Variants in USP32 observed in about 807,000 individuals in gnomAD.
USP32 encodes the protein ubiquitin carboxyl-terminal hydrolase 32.
USP32 carries 59 observed loss-of-function variants against 204.8 expected under a neutral mutation model. That is an observed-to-expected ratio of 0.29 (90% CI 0.23 to 0.36). USP32 has a LOEUF of 0.36. Ranked by LOEUF, USP32 falls within the 10% of genes least tolerant of loss-of-function variation. The pLI is 1.00. For missense variants in USP32, 1,160 were observed against 1,946.4 expected, an observed-to-expected ratio of 0.60 and a Z score of 7.60; for synonymous variants, 517 against 678.4, an observed-to-expected ratio of 0.76 and a Z score of 3.70.
intron 2 of USP32, among the ~76,000 whole-genome samples, chr17:60,324,765 G>A (rs1179735185): frequency 1.3e-5 from 2 of 152,146 alleles, no homozygotes; most frequent in Non-Finnish European, 2.9e-5. Flanking sequence ...CATTTTGGGA[G>A]GCTGAGGCCC....
chr17:60,414,856 T>G (rs1380269429), intron 1 of USP32, among the ~76,000 whole-genome samples: 1 of 136,548 alleles, frequency 7.3e-6, no homozygotes, highest in East Asian at 2.0e-4. Flanking sequence ...TCTTTCTTTC[T>G]TTTTTTTTTT....
At chr17:60,289,665 G>A (rs984969895) in intron 4 of USP32, among the ~76,000 whole-genome samples, 1 of 152,144 alleles carries the variant, frequency 6.6e-6, no homozygotes, top group Non-Finnish European at 1.5e-5. Context: ...CCCTTTGCTT[G>A]GAAGACAAGA....
intron 2 of USP32, among the ~76,000 whole-genome samples, chr17:60,308,214 G>C (rs990063635): frequency 6.6e-6 from 1 of 152,238 alleles, no homozygotes; most frequent in African/African-American, 2.4e-5. Context: ...TAATGCAGAG[G>C]GTCTAATTGA....
chr17:60,413,278 C>T (rs1233792937), intron 1 of USP32, among the ~76,000 whole-genome samples: 1 of 151,980 alleles, frequency 6.6e-6, no homozygotes, highest in African/African-American at 2.4e-5. Context: ...CCTGGCCCAG[C>T]AAAAAGAATG....
chr17:60,209,584 A>G (rs757664749), intron 21 of USP32, 41 bp from the exon 22 acceptor site: 1 of 1,441,630 alleles, frequency 6.9e-7, no homozygotes, highest in African/African-American at 1.5e-5. Context: ...TTTCCTACCC[A>G]TAAAATTTGG....
intron 1 of USP32, among the ~76,000 whole-genome samples, chr17:60,382,184 A>T (rs571123713): frequency 1.3e-5 from 2 of 152,216 alleles, no homozygotes; most frequent in Non-Finnish European, 2.9e-5. Context: ...CCAGATCCTT[A>T]TCTGTCAAAA....
intron 1 of USP32, among the ~76,000 whole-genome samples, chr17:60,406,525 C>T (rs988372814): frequency 1.3e-5 from 2 of 150,902 alleles, no homozygotes; most frequent in Non-Finnish European, 2.9e-5. Flanking sequence ...GCTTTTTTTT[C>T]TCTTTTTTGA....
chr17:60,415,250 A>G (rs1439321775), intron 1 of USP32, among the ~76,000 whole-genome samples: 2 of 152,120 alleles, frequency 1.3e-5, no homozygotes, highest in Admixed American at 6.6e-5. Flanking sequence ...ACAGGACTTC[A>G]CTGTACATGG....
chr17:60,226,646 G>A (rs2085399570), intron 12 of USP32, among the ~76,000 whole-genome samples: 1 of 152,008 alleles, frequency 6.6e-6, no homozygotes, highest in Admixed American at 6.5e-5. Context: ...AATATCACAT[G>A]TACTCAGATT....
chr17:60,297,003 A>C (rs1013291753), intron 3 of USP32, among the ~76,000 whole-genome samples: 4 of 152,300 alleles, frequency 2.6e-5, no homozygotes, highest in African/African-American at 9.6e-5. Context: ...TTAAAAATAA[A>C]GATCAGAAGA....
intron 1 of USP32, among the ~76,000 whole-genome samples, chr17:60,373,535 C>G (rs527857092): frequency 1.3e-4 from 18 of 141,604 alleles, no homozygotes; most frequent in African/African-American, 4.1e-4. Flanking sequence ...CCTGCACCTC[C>G]TGGGTTCAAG....
intron 1 of USP32, among the ~76,000 whole-genome samples, chr17:60,390,623 C>A (rs541676946): frequency 6.6e-6 from 1 of 152,212 alleles, no homozygotes; most frequent in African/African-American, 2.4e-5. Flanking sequence ...CTGTATCTTA[C>A]TGTCAGGTGA....
At chr17:60,230,073 C>T (rs1473353192) in intron 12 of USP32, among the ~76,000 whole-genome samples, 1 of 152,206 alleles carries the variant, frequency 6.6e-6, no homozygotes, top group East Asian at 1.9e-4. Flanking sequence ...CTTGGCCTCC[C>T]AAAGTGCTGG....
At chr17:60,240,674 C>G (rs894014293) in intron 11 of USP32, among the ~76,000 whole-genome samples, 1 of 152,146 alleles carries the variant, frequency 6.6e-6, no homozygotes. Context: ...CTTATAAGGT[C>G]TTTTCTGAGT....
intron 1 of USP32, among the ~76,000 whole-genome samples, chr17:60,380,742 A>G (rs1165540934): frequency 6.6e-6 from 1 of 152,226 alleles, no homozygotes; most frequent in Non-Finnish European, 1.5e-5. Context: ...TGACTTTCCA[A>G]TGTACCCTAT....
At chr17:60,193,766 T>C (rs1269054814) in intron 27 of USP32, among the ~76,000 whole-genome samples, 7 of 152,278 alleles carry the variant, frequency 4.6e-5, no homozygotes, top group African/African-American at 1.4e-4. Flanking sequence ...AAAGAGTCAC[T>C]GTAAGGGCAA....
intron 15 of USP32, among the ~76,000 whole-genome samples, chr17:60,220,076 A>G (rs1211407352): frequency 6.6e-6 from 1 of 151,926 alleles, no homozygotes; most frequent in African/African-American, 2.4e-5. Context: ...AGTATTATCT[A>G]TAATTCTACT....
At chr17:60,192,231 C>A (rs1395304890) in intron 28 of USP32, among the ~76,000 whole-genome samples, 1 of 151,938 alleles carries the variant, frequency 6.6e-6, no homozygotes, top group East Asian at 2.0e-4. Flanking sequence ...GCAGAGGTTG[C>A]AGTGAGCTGA....
At chr17:60,302,403 T>C (rs1331615610) in intron 2 of USP32, among the ~76,000 whole-genome samples, 1 of 152,198 alleles carries the variant, frequency 6.6e-6, no homozygotes, top group African/African-American at 2.4e-5. Context: ...CACCTTGGCC[T>C]CCCAAAGTGC....
Sources: gnomAD v4.1 joint callset for allele counts (sites outside exome capture counted in the v4.1 genomes callset) on GRCh38, gnomAD v4.1.1 for gene constraint, MANE v1.5 for transcripts, NCBI Gene and HGNC (gene_info 2026-07-23, HGNC 2026-07-21) for gene names.